Variants in DOCK9 observed in about 807,000 individuals in gnomAD.
The protein encoded by DOCK9 is dedicator of cytokinesis 9.
In DOCK9, 89 loss-of-function variants were observed where a neutral mutation model predicts 263.3. That is an observed-to-expected ratio of 0.34 (90% CI 0.28 to 0.40). The LOEUF (loss-of-function observed/expected upper bound fraction) is 0.40. Among genes scored for constraint, DOCK9 ranks in the 10% least tolerant of loss-of-function variants. The pLI, the probability that DOCK9 is intolerant of heterozygous loss-of-function variation, is 1.00. For synonymous variants in DOCK9, 976 were observed against 973.1 expected (o/e 1.00, Z -0.06); for missense variants, 2,140 against 2,603.4 (o/e 0.82, Z 3.87).
chr13:98,800,155 G>T, intron 50 of DOCK9, 133 bp downstream of exon 50: 1 of 959,474 alleles, frequency 1.0e-6, no homozygotes, highest in Non-Finnish European at 1.5e-6. Context: ...TGTCACAGAC[G>T]TTGGGGGAAG....
At chr13:98,983,564 T>A (rs1273688406) in intron 1 of DOCK9, among the ~76,000 whole-genome samples, 2 of 151,832 alleles carry the variant, frequency 1.3e-5, no homozygotes, top group Non-Finnish European at 2.9e-5. Flanking sequence ...GAAGAGTTAA[T>A]ATAGGAAAAG....
At chr13:99,040,580 G>A (rs1178143977) in intron 1 of DOCK9, among the ~76,000 whole-genome samples, 1 of 152,140 alleles carries the variant, frequency 6.6e-6, no homozygotes, top group Non-Finnish European at 1.5e-5. Flanking sequence ...ACCAGATTTA[G>A]TGACAGCATA....
intron 1 of DOCK9, chr13:99,015,954 C>T (rs866257263): frequency 4.6e-6 from 1 of 218,376 alleles, no homozygotes; most frequent in Middle Eastern, 2.0e-3. Flanking sequence ...TACTGGAAAA[C>T]TGCCGGCTCC....
chr13:98,886,760 A>G, intron 18 of DOCK9, 136 bp from the exon 19 acceptor site: 2 of 764,268 alleles, frequency 2.6e-6, no homozygotes, highest in Non-Finnish European at 2.1e-6. Context: ...CAGGCCTGTG[A>G]GCCCCGGACT....
chr13:98,901,865 T>C lies in DOCK9; in HGVS notation c.1416A>G (p.Ile472Met). 6.2e-7 allele frequency: 1 copy of C among 1,612,798 alleles called. No individual in the cohort carries two copies. The highest frequency in any genetic ancestry group is 2.2e-5 in the East Asian group (1 of 44,832). The part of the protein sequence containing the change: ...IFSVTCPHPD[I>M]FLVARIEKVL... ...CTTTTTCAATTCTGGCCACAAGAAA[T>C]ATATCTGGATGAGGACAAGTGACTG... The change falls in exon 13 of 53, where the codon ATA becomes ATG. Residue 472 changes from isoleucine to methionine, a missense_variant. This residue lies in a region of DOCK9 where 1,521 missense variants were observed against 1,741.7 expected (regional missense o/e 0.87). Coordinates refer to ENST00000682017, the MANE Select transcript of DOCK9 (RefSeq NM_001366683.2).
intron 27 of DOCK9, among the ~76,000 whole-genome samples, chr13:98,874,221 C>T (rs79127456): frequency 0.032 from 4,918 of 152,266 alleles, 257 homozygotes; most frequent in African/African-American, 0.11. Flanking sequence ...ATGTCATATA[C>T]AGGATATGGA....
intron 4 of DOCK9, among the ~76,000 whole-genome samples, chr13:98,924,992 C>A (rs1459036819): frequency 6.6e-6 from 1 of 151,972 alleles, no homozygotes. Flanking sequence ...CGGTGAAACC[C>A]TGTCTCTACT....
rs61348713 is a variant in DOCK9, at chr13:98,910,970, C to T, written c.960+3358G>A. ...AGGTCAACTTCTTTGCCTTCTCAAC[C>T]GGTGCAAATAGTTCAGACACCCTGA... On this transcript the variant is annotated intron_variant, in intron 9 of 52. Transcript: ENST00000682017. 3.9e-3 allele frequency among the ~76,000 whole-genome samples: 587 copies of T among 152,206 alleles called. 1 individual carries two copies. Among genetic ancestry groups the T allele is most frequent in the African/African-American group, 0.013 (544 of 41,538 alleles).
intron 7 of DOCK9, among the ~76,000 whole-genome samples, 167 bp from the exon 8 acceptor site, chr13:98,915,670 C>T (rs2139912580): frequency 7.0e-6 from 1 of 142,950 alleles, no homozygotes; most frequent in South Asian, 2.5e-4. Context: ...AATCCCATTA[C>T]CGTCCACCTT....
At chr13:98,802,043 C>T (rs2090173689) in intron 49 of DOCK9, among the ~76,000 whole-genome samples, 1 of 152,194 alleles carries the variant, frequency 6.6e-6, no homozygotes, top group South Asian at 2.1e-4. Context: ...CTCGCTGCTC[C>T]CTAGTCAGGG....
At chr13:98,934,306 A>C (rs978849994) in intron 2 of DOCK9, among the ~76,000 whole-genome samples, 2 of 152,174 alleles carry the variant, frequency 1.3e-5, no homozygotes, top group African/African-American at 4.8e-5. Flanking sequence ...GGTGACAGGA[A>C]GTACAAGGTA....
chr13:99,059,631 C>G (rs1405444280), intron 1 of DOCK9, among the ~76,000 whole-genome samples: 1 of 152,170 alleles, frequency 6.6e-6, no homozygotes, highest in Non-Finnish European at 1.5e-5. Context: ...CTCAACCAAC[C>G]TCAGGACAAA....
chr13:98,946,635 G>A (rs746312700), intron 2 of DOCK9, among the ~76,000 whole-genome samples: 1 of 152,056 alleles, frequency 6.6e-6, no homozygotes, highest in Non-Finnish European at 1.5e-5. Context: ...CTATATCTTC[G>A]ATCTCTTCTC....
intron 1 of DOCK9, among the ~76,000 whole-genome samples, chr13:99,055,737 T>G (rs1206653246): frequency 1.3e-5 from 2 of 151,964 alleles, no homozygotes; most frequent in Non-Finnish European, 2.9e-5. Flanking sequence ...TGTCAACTGT[T>G]CTCTAGGTTC....
intron 30 of DOCK9, among the ~76,000 whole-genome samples, chr13:98,865,161 G>C (rs1205485823): frequency 6.6e-6 from 1 of 152,074 alleles, no homozygotes; most frequent in Admixed American, 6.6e-5. Flanking sequence ...CTGCCTCCTG[G>C]GCTTAAGTCA....
At chr13:98,863,992 T>C (rs539466709) in intron 30 of DOCK9, among the ~76,000 whole-genome samples, 12 of 152,362 alleles carry the variant, frequency 7.9e-5, no homozygotes, top group African/African-American at 2.9e-4. Flanking sequence ...CATACATGGC[T>C]CATTAAAATG....
chr13:99,073,650 A>G (rs2041789307), intron 1 of DOCK9, among the ~76,000 whole-genome samples: 1 of 152,142 alleles, frequency 6.6e-6, no homozygotes, highest in Non-Finnish European at 1.5e-5. Context: ...CATAAACCTG[A>G]TTGCATTTGC....
intron 1 of DOCK9, among the ~76,000 whole-genome samples, chr13:98,989,383 A>G (rs911390373): frequency 6.7e-6 from 1 of 149,384 alleles, no homozygotes; most frequent in Non-Finnish European, 1.5e-5. Context: ...AATAATGATA[A>G]TACAGATTCC....
chr13:98,842,238 A>G (rs920644523), intron 38 of DOCK9, among the ~76,000 whole-genome samples: 3 of 152,220 alleles, frequency 2.0e-5, no homozygotes, highest in African/African-American at 7.2e-5. Context: ...TGACCTGGAC[A>G]ATACCCCAGC....
Sources: gnomAD v4.1 joint callset for allele counts (sites outside exome capture counted in the v4.1 genomes callset) on GRCh38, gnomAD v4.1.1 for gene constraint, gnomAD v4.1.1 regional missense constraint, MANE v1.5 for transcripts, NCBI Gene and HGNC (gene_info 2026-07-23, HGNC 2026-07-21) for gene names.